HIVEP3: variants seen among roughly 807,000 people sequenced by gnomAD.
HIVEP3 encodes the protein transcription factor HIVEP3.
Under a neutral mutation model 152.8 loss-of-function variants are expected in HIVEP3, and 49 were observed. The ratio of observed to expected loss-of-function variants is 0.32; its 90% confidence interval spans 0.26 to 0.41. The LOEUF (loss-of-function observed/expected upper bound fraction) is 0.41, where lower values mean the gene tolerates loss of function less well. Ranked by LOEUF, HIVEP3 falls within the 10% of genes least tolerant of loss-of-function variation. HIVEP3 has a pLI of 1.00. For missense variants in HIVEP3, 2,790 were observed against 3,103.3 expected (o/e 0.90, Z 2.40); for synonymous variants, 1,269 against 1,289.0 (o/e 0.98, Z 0.33).
Position 41,511,023 on chromosome 1 carries a change from GC to G in HIVEP3, c.6648del (p.Thr2218ProfsTer15). The stretch of plus-strand genomic sequence containing the variant: ...AAGCCACTGACCCAGGCTGCGGTGG[GC>G]CCTGGCAGCAGGGTGGGGTGGGCTC... Reference protein sequence around the residue: ...RPGAHPTLLPGPTAAWVSGFS... With the variant: ...RPGAHPTLLPXPTAAWVSGFS... On this transcript the variant is annotated frameshift_variant, in exon 9 of 9. Coordinates refer to ENST00000372583, the MANE Select transcript of HIVEP3 (RefSeq NM_024503.5). LOFTEE classifies it high-confidence loss of function. This position sits in a 1 kb window ranked among gnomAD's most constrained non-coding sequence, Gnocchi z 4.9. The G allele has an allele frequency of 6.2e-7, 1 of 1,613,566 alleles. No homozygotes were observed. Among genetic ancestry groups the G allele is most frequent in the Non-Finnish European group, 8.5e-7 (1 of 1,179,718 alleles).
chr1:41,523,845 A>G (rs1335004178), intron 6 of HIVEP3, among the ~76,000 whole-genome samples: 2 of 152,212 alleles, frequency 1.3e-5, no homozygotes, highest in African/African-American at 2.4e-5. Context: ...GAATCTATCA[A>G]GCTCCAGAGG....
chr1:41,906,574 C>A (rs72671290), intron 1 of HIVEP3, among the ~76,000 whole-genome samples: 8,232 of 152,124 alleles, frequency 0.054, 238 homozygotes, highest in South Asian at 0.092. Context: ...AGAAACTTTA[C>A]GGGATGACGG....
intron 1 of HIVEP3, among the ~76,000 whole-genome samples, chr1:41,986,488 C>A (rs1444712708): frequency 6.7e-6 from 1 of 148,506 alleles, no homozygotes; most frequent in Non-Finnish European, 1.5e-5. Context: ...TCGCCCAGGC[C>A]AGACTGCAGT....
At chr1:41,682,832 G>A (rs1310496384) in intron 2 of HIVEP3, among the ~76,000 whole-genome samples, 1 of 152,136 alleles carries the variant, frequency 6.6e-6, no homozygotes, top group Non-Finnish European at 1.5e-5. Flanking sequence ...CCTGGGCTTG[G>A]CCTGGGACTT....
intron 1 of HIVEP3, among the ~76,000 whole-genome samples, chr1:41,795,059 AC>A (rs1400346554): frequency 1.3e-5 from 2 of 152,234 alleles, no homozygotes; most frequent in African/African-American, 4.8e-5. Flanking sequence ...GCCCAGGTAA[AC>A]TAAGAAATTA....
chr1:41,540,738 C>T (rs1569821242), intron 5 of HIVEP3, among the ~76,000 whole-genome samples: 2 of 152,136 alleles, frequency 1.3e-5, no homozygotes, highest in Non-Finnish European at 2.9e-5. Context: ...GAGGAAGATC[C>T]GGGCTCCCTT....
chr1:41,567,060 C>A (rs569585354), intron 5 of HIVEP3, among the ~76,000 whole-genome samples: 3 of 152,296 alleles, frequency 2.0e-5, no homozygotes, highest in Non-Finnish European at 4.4e-5. Context: ...CTCCACTTGG[C>A]CTGGCATCTC....
chr1:41,694,453 G>A (rs1407083303), intron 2 of HIVEP3, among the ~76,000 whole-genome samples: 1 of 152,146 alleles, frequency 6.6e-6, no homozygotes, highest in Non-Finnish European at 1.5e-5. Context: ...TTTGCCGGGT[G>A]AATGAATGAA....
intron 1 of HIVEP3, among the ~76,000 whole-genome samples, chr1:41,831,933 A>C (rs972352): frequency 0.13 from 19,599 of 152,248 alleles, 1,570 homozygotes; most frequent in Middle Eastern, 0.19. Context: ...ATCTACCCAA[A>C]GTCATCGAAC....
rs1644386757 is a variant in HIVEP3 at position 41,580,556 on chromosome 1, A to C, written c.4242T>G (p.Ser1414Arg). 1 of 1,613,878 alleles carries C rather than the reference A, an allele frequency of 6.2e-7. No homozygotes were observed. Among genetic ancestry groups the C allele is most frequent in the African/African-American group, 1.3e-5 (1 of 74,834 alleles). ...ERKGTSLSSE[S>R]ILSLEGSSST... is the part of the protein sequence containing the mutation. ...ATGAACTCCCCTCCAGGCTCAAGAT[A>C]CTCTCTGATGACAGGGAAGTGCCTT... The change falls in exon 4 of 9, where the codon AGT becomes AGG. Residue 1414 changes from serine to arginine, a missense_variant. By Grantham distance (110) the Ser-to-Arg change is moderately radical. Around this residue, in one of 9 missense-constraint regions of HIVEP3, gnomAD observed 1,078 missense variants for 1,165.3 expected, o/e 0.93. Transcript: ENST00000372583.
intron 2 of HIVEP3, among the ~76,000 whole-genome samples, chr1:41,667,560 TGCAA>T (rs1645814328): frequency 6.6e-6 from 1 of 152,246 alleles, no homozygotes; most frequent in African/African-American, 2.4e-5. Context: ...CCAAGGGACT[TGCAA>T]GATCATCAAT....
intron 1 of HIVEP3, among the ~76,000 whole-genome samples, chr1:41,855,547 G>C (rs1643742454): frequency 6.6e-6 from 1 of 152,150 alleles, no homozygotes; most frequent in African/African-American, 2.4e-5. Flanking sequence ...TGAAGGACAT[G>C]AACAGACACT....
At chr1:41,705,762 G>T (rs1403245278) in intron 1 of HIVEP3, among the ~76,000 whole-genome samples, 1 of 152,008 alleles carries the variant, frequency 6.6e-6, no homozygotes, top group African/African-American at 2.4e-5. Flanking sequence ...CACACTTCTG[G>T]GTGTAGTCAT....
Position 41,664,839 on chromosome 1 carries a change from T to G in HIVEP3, c.-720-35892A>C, listed in dbSNP as rs1645769655. 6.6e-6 allele frequency among the ~76,000 whole-genome samples: 1 copy of G among 152,110 alleles called. No homozygotes were observed. Among genetic ancestry groups the G allele is most frequent in the Admixed American group, 6.5e-5 (1 of 15,278 alleles). On this transcript the variant is annotated intron_variant, in intron 2 of 8. Coordinates refer to ENST00000372583, the MANE Select transcript of HIVEP3 (RefSeq NM_024503.5). This position sits in a 1 kb window ranked among gnomAD's most constrained non-coding sequence, Gnocchi z 4.4. ...CTCTTGACAAACTCCTCTGCAGCCATCAGGGAGCCTGGGATATCCCCATGC... is the reference window on the plus strand; with the variant it reads ...CTCTTGACAAACTCCTCTGCAGCCAGCAGGGAGCCTGGGATATCCCCATGC...
chr1:41,765,022 C>A (rs1308809333), intron 1 of HIVEP3, among the ~76,000 whole-genome samples: 3 of 152,204 alleles, frequency 2.0e-5, no homozygotes, highest in Non-Finnish European at 4.4e-5. Flanking sequence ...TCACCCTTTA[C>A]CAAGCAAGCC....
At chr1:41,594,714 T>A (rs1175577830) in intron 3 of HIVEP3, among the ~76,000 whole-genome samples, 1 of 151,842 alleles carries the variant, frequency 6.6e-6, no homozygotes, top group African/African-American at 2.4e-5. Context: ...CTGTACAGAA[T>A]TTTTTTTTGT....
At chr1:41,836,466 G>A (rs1454242252) in intron 1 of HIVEP3, among the ~76,000 whole-genome samples, 1 of 152,156 alleles carries the variant, frequency 6.6e-6, no homozygotes, top group African/African-American at 2.4e-5. Context: ...GGCGTCACAG[G>A]GCAACTTCCA....
At chr1:41,861,853 A>G (rs1643890880) in intron 1 of HIVEP3, among the ~76,000 whole-genome samples, 1 of 152,260 alleles carries the variant, frequency 6.6e-6, no homozygotes. Context: ...GATGCAGACT[A>G]GACGAGAGGT....
At chr1:41,544,991 CA>C in intron 5 of HIVEP3, among the ~76,000 whole-genome samples, 1 of 79,964 alleles carries the variant, frequency 1.3e-5, no homozygotes, top group Non-Finnish European at 3.0e-5. Flanking sequence ...CCGCCACCAC[CA>C]TCGCTACCAT....
Sources: gnomAD v4.1 joint callset for allele counts (sites outside exome capture counted in the v4.1 genomes callset) on GRCh38, gnomAD v4.1.1 for gene constraint, gnomAD v4.1.1 regional missense constraint, Gnocchi (gnomAD v3.1) non-coding constraint, MANE v1.5 for transcripts, NCBI Gene and HGNC (gene_info 2026-07-23, HGNC 2026-07-21) for gene names.